The following HECW1 variants were observed in gnomAD, a reference collection of about 807,000 sequenced individuals.
HECW1 encodes HECT, C2 and WW domain containing E3 ubiquitin protein ligase 1, also known as E3 ubiquitin-protein ligase HECW1.
A neutral mutation model predicts 182.3 loss-of-function variants in HECW1; 61 were observed. The ratio of observed to expected loss-of-function variants is 0.33; its 90% CI spans 0.27 to 0.41. The LOEUF is 0.41. Ranked by LOEUF, HECW1 falls within the 10% of genes least tolerant of loss-of-function variation. HECW1 has a pLI of 1.00. For synonymous variants in HECW1, 859 were observed against 832.6 expected (o/e 1.03, Z -0.55); for missense variants, 1,739 against 2,108.9 (o/e 0.82, Z 3.44).
In HECW1 at chr7:43,500,735, C is replaced by T. The variant is rs187653529; in HGVS notation, c.3474C>T (p.His1158=). The T allele has an allele frequency of 8.1e-6, 13 of 1,613,672 alleles. No individual in the cohort carries two copies. In the African/African-American group the frequency reaches 1.1e-4, roughly 13 times the overall value. ...KIHYIRTEGN[H]GLEKLSCDAD... ...ATTACATTCGGACTGAGGGTAATCA[C>T]GGGCTTGAGAAGTTGTCCTGTGATG... The change falls in exon 20 of 30, where the codon CAC becomes CAT. Residue 1158 remains histidine, a synonymous_variant. Coordinates refer to ENST00000395891, the MANE Select transcript of HECW1 (RefSeq NM_015052.5).
At chr7:43,325,091 G>A (rs1037881014) in intron 5 of HECW1, among the ~76,000 whole-genome samples, 7 of 152,124 alleles carry the variant, frequency 4.6e-5, no homozygotes, top group African/African-American at 1.7e-4. Flanking sequence ...TAACATACCT[G>A]ATAAAAATAC....
intron 9 of HECW1, among the ~76,000 whole-genome samples, chr7:43,441,346 C>T (rs1051275899): frequency 1.3e-5 from 2 of 152,176 alleles, no homozygotes; most frequent in Non-Finnish European, 2.9e-5. Context: ...ATTCAGCCCA[C>T]GAGTCTTGCT....
rs888237188 is a variant in HECW1 at position 43,237,118 on chromosome 7, AAAAG to A, written c.-31-6754_-31-6751del. ...GGATGGGAGGGAGGGAAGAAAGAAAAAAAGAAGGAAGGAAGGAAGGAAGTAGGTA... is the reference window on the plus strand; with the variant it reads ...GGATGGGAGGGAGGGAAGAAAGAAAAAAGGAAGGAAGGAAGGAAGTAGGTA... On this transcript the variant is annotated intron_variant, in intron 2 of 29. Transcript: ENST00000395891. Among the ~76,000 whole-genome samples the A allele has an allele frequency of 1.2e-4, 18 of 149,060 alleles. 1 individual carries two copies. In the South Asian group the frequency reaches 2.6e-3, roughly 22 times the overall value.
chr7:43,247,645 AAAG>A (rs1354004224), intron 3 of HECW1, among the ~76,000 whole-genome samples: 2 of 145,272 alleles, frequency 1.4e-5, no homozygotes, highest in Admixed American at 1.4e-4. Context: ...GGAAGGAAAG[AAAG>A]AGAGAGAGAG....
At chr7:43,289,414 T>C (rs1805094848) in intron 3 of HECW1, among the ~76,000 whole-genome samples, 1 of 152,194 alleles carries the variant, frequency 6.6e-6, no homozygotes. Context: ...CTCCAGCACT[T>C]TCTAATGCTG....
chr7:43,427,985 T>C (rs373897984), intron 8 of HECW1, among the ~76,000 whole-genome samples: 4 of 152,306 alleles, frequency 2.6e-5, no homozygotes, highest in African/African-American at 9.6e-5. Context: ...TCAAGGTCCG[T>C]TGTTTGGTAA....
chr7:43,451,140 G>C (rs930888654), intron 12 of HECW1, among the ~76,000 whole-genome samples: 1 of 152,180 alleles, frequency 6.6e-6, no homozygotes, highest in East Asian at 1.9e-4. Context: ...ATGTGATCTT[G>C]AAGAGATAAC....
chr7:43,115,214 G>A (rs994719289), intron 2 of HECW1, among the ~76,000 whole-genome samples: 3 of 151,922 alleles, frequency 2.0e-5, no homozygotes, highest in African/African-American at 4.8e-5. Context: ...TAGAATCTGC[G>A]GCTTATTTTT....
intron 2 of HECW1, among the ~76,000 whole-genome samples, chr7:43,116,602 A>T (rs1368102683): frequency 6.6e-6 from 1 of 152,234 alleles, no homozygotes; most frequent in African/African-American, 2.4e-5. Context: ...TGTGACTTAC[A>T]GACATCAAGA....
At chr7:43,253,425 T>A (rs1800241092) in intron 3 of HECW1, among the ~76,000 whole-genome samples, 1 of 152,202 alleles carries the variant, frequency 6.6e-6, no homozygotes, top group Non-Finnish European at 1.5e-5. Context: ...AAATCTAGCC[T>A]CCTTTATTTC....
intron 5 of HECW1, among the ~76,000 whole-genome samples, chr7:43,322,507 T>C (rs776580604): frequency 9.2e-5 from 14 of 152,188 alleles, no homozygotes; most frequent in Non-Finnish European, 1.9e-4. Context: ...GCAATCTCTC[T>C]GCTCAGCTGC....
At position 43,445,356 on chromosome 7, in the gene HECW1, C is replaced by T. The variant is rs1410999817; in HGVS notation, c.2184C>T (p.Ser728=). Reference sequence around the variant, plus strand: ...CCTCCGTGGACAGCGCCAAGATCTCCGAGAGCACGGTCTTCTCCTCGCAAG... The same window carrying T: ...CCTCCGTGGACAGCGCCAAGATCTCTGAGAGCACGGTCTTCTCCTCGCAAG... The part of the protein sequence containing the change: ...RFSSVDSAKI[S]ESTVFSSQDD... The change falls in exon 11 of 30, where the codon TCC becomes TCT. Residue 728 remains serine (S), a synonymous_variant. Transcript: ENST00000395891. 5.0e-6 allele frequency: 8 copies of T among 1,613,660 alleles called. No individual in the cohort carries two copies. The East Asian group carries it at 1.1e-4, about 22-fold the overall frequency.
Position 43,442,519 on chromosome 7 carries a change from T to A in HECW1, c.945-10T>A. 1 of 1,598,430 alleles carries A rather than the reference T, an allele frequency of 6.3e-7. No individual in the cohort carries two copies. The highest frequency in any genetic ancestry group is 2.2e-5 in the East Asian group (1 of 44,786). On this transcript the variant is annotated splice_polypyrimidine_tract_variant and intron_variant, in intron 9 of 29. Coordinates refer to ENST00000395891, the MANE Select transcript of HECW1 (RefSeq NM_015052.5). ...TGACCAGAACTGTGATGGTGCTTAT[T>A]TCCTTCTAGGGATAGGGTGGTCAGC...
chr7:43,445,316 G>A lies in HECW1; in HGVS notation c.2144G>A (p.Ser715Asn). 6 of 1,613,776 alleles carry A rather than the reference G, an allele frequency of 3.7e-6. No individual in the cohort carries two copies. Among genetic ancestry groups the A allele is most frequent in the Non-Finnish European group, 4.2e-6 (5 of 1,180,034 alleles). ...TGCTACAACGGCAACAGGTTCGCCAGCCACACGCGCTTCTCCTCCGTGGAC... is the reference window on the plus strand; with the variant it reads ...TGCTACAACGGCAACAGGTTCGCCAACCACACGCGCTTCTCCTCCGTGGAC... ...PSCYNGNRFASHTRFSSVDSA... is the reference protein window; with the variant it reads ...PSCYNGNRFANHTRFSSVDSA... The change falls in exon 11 of 30, where the codon AGC becomes AAC. Residue 715 changes from serine (S) to asparagine (N), a missense_variant. By Grantham distance (46) the Ser-to-Asn change is conservative. This residue lies in a region of HECW1 where 971 missense variants were observed against 1,029.1 expected (regional missense o/e 0.94). Transcript: ENST00000395891.
Position 43,233,556 on chromosome 7 carries a change from A to G in HECW1, c.-31-10319A>G, listed in dbSNP as rs200850790. ...TTCCTGGATGCCTCTCCTTCCCCCA[A>G]ATAATAACTTCCATAAAAATAGTTT... On this transcript the variant is annotated intron_variant, in intron 2 of 29. Transcript: ENST00000395891. Among the ~76,000 whole-genome samples, 58 of 152,318 alleles carry G rather than the reference A, an allele frequency of 3.8e-4. No homozygotes were observed. In the East Asian group the frequency reaches 0.01, roughly 27 times the overall value.
At position 43,148,431 on chromosome 7, in the gene HECW1, G is replaced by C. The variant is rs182408906; in HGVS notation, c.-32+34040G>C. Among the ~76,000 whole-genome samples, 5 of 151,792 alleles carry C rather than the reference G, an allele frequency of 3.3e-5. No homozygotes were observed. The East Asian group carries it at 9.7e-4, about 29-fold the overall frequency. On this transcript the variant is annotated intron_variant, in intron 2 of 29. Coordinates refer to ENST00000395891, the MANE Select transcript of HECW1 (RefSeq NM_015052.5). Reference sequence around the variant, plus strand: ...GAAGAGGATGTGCCTGCATGTCTCTGTGTCCTCATGCCCAAGCCATTCTGC... The same window carrying C: ...GAAGAGGATGTGCCTGCATGTCTCTCTGTCCTCATGCCCAAGCCATTCTGC...
intron 3 of HECW1, among the ~76,000 whole-genome samples, chr7:43,278,642 A>C (rs1584299819): frequency 1.4e-5 from 2 of 146,040 alleles, no homozygotes; most frequent in African/African-American, 2.5e-5. Flanking sequence ...CTCTCTCTCC[A>C]CTCCAGTCAC....
intron 2 of HECW1, among the ~76,000 whole-genome samples, chr7:43,175,146 T>G (rs1309354992): frequency 6.6e-6 from 1 of 152,072 alleles, no homozygotes; most frequent in Non-Finnish European, 1.5e-5. Flanking sequence ...TTTCATGTTT[T>G]TTTTTTGATG....
At chr7:43,425,209 A>G (rs541149994) in intron 8 of HECW1, among the ~76,000 whole-genome samples, 228 of 145,382 alleles carry the variant, frequency 1.6e-3, no homozygotes, top group Non-Finnish European at 2.8e-3. Context: ...GATATTTTAT[A>G]TATTTACCAA....
Sources: allele counts gnomAD v4.1 joint callset (sites outside exome capture counted in the v4.1 genomes callset), GRCh38; gene constraint gnomAD v4.1.1; regional missense constraint gnomAD v4.1.1; transcripts MANE v1.5; gene names NCBI Gene and HGNC (gene_info 2026-07-23, HGNC 2026-07-21).